The following NCALD variants were observed in gnomAD, a reference collection of about 807,000 sequenced individuals.
The protein encoded by NCALD is neurocalcin-delta.
Under a neutral mutation model 18.6 loss-of-function variants are expected in NCALD, and 10 were observed. The ratio of observed to expected loss-of-function variants is 0.54; its 90% CI spans 0.33 to 0.91. NCALD has a LOEUF of 0.91. NCALD is among the 40% of genes least tolerant of loss of function. The pLI is 0.03. For missense variants in NCALD, 184 were observed against 247.6 expected (o/e 0.74, Z 1.72); for synonymous variants, 88 against 87.4 (o/e 1.01, Z -0.04).
chr8:102,095,918 C>A (rs1825078855), intron 1 of NCALD, among the ~76,000 whole-genome samples: 1 of 152,188 alleles, frequency 6.6e-6, no homozygotes, highest in Non-Finnish European at 1.5e-5. Context: ...GCCAAAGCTT[C>A]TCTCTTATCA....
At chr8:101,993,544 C>A (rs1352646454) in intron 2 of NCALD, among the ~76,000 whole-genome samples, 1 of 152,164 alleles carries the variant, frequency 6.6e-6, no homozygotes, top group Non-Finnish European at 1.5e-5. Flanking sequence ...AACTATTTTA[C>A]ACCAGGAAGT....
chr8:102,120,233 C>T (rs1325086371), intron 1 of NCALD, among the ~76,000 whole-genome samples: 1 of 152,192 alleles, frequency 6.6e-6, no homozygotes, highest in Non-Finnish European at 1.5e-5. Context: ...TCCAGGGGCT[C>T]ATCTCTTGGT....
At chr8:101,956,432 A>C (rs1283391495) in intron 2 of NCALD, among the ~76,000 whole-genome samples, 2 of 152,330 alleles carry the variant, frequency 1.3e-5, no homozygotes, top group East Asian at 3.9e-4. Context: ...AGTCACAGTA[A>C]TCACTAATCC....
In NCALD at chr8:101,719,431, G is replaced by A. The variant is rs1381132614; in HGVS notation, c.199C>T (p.His67Tyr). The change falls in exon 2 of 4, where the codon CAT (histidine) becomes TAT (tyrosine). Residue 67 changes from histidine to tyrosine, a missense_variant. His to Tyr is a moderately conservative substitution (Grantham distance 83). Transcript: ENST00000220931. ...TTTGCATCGAAGGTGCGGAAGACATGCTCTGCAAATTTGGAAGCATCCCCA... is the reference window on the plus strand; with the variant it reads ...TTTGCATCGAAGGTGCGGAAGACATACTCTGCAAATTTGGAAGCATCCCCA... ...PYGDASKFAE[H>Y]VFRTFDANGD... 2.7e-5 allele frequency: 44 copies of A among 1,614,048 alleles called. No homozygotes were observed. The highest frequency in any genetic ancestry group is 3.5e-5 in the Non-Finnish European group (41 of 1,180,024).
At chr8:102,036,279 C>T (rs1822861791) in intron 1 of NCALD, among the ~76,000 whole-genome samples, 1 of 151,702 alleles carries the variant, frequency 6.6e-6, no homozygotes, top group South Asian at 2.1e-4. Flanking sequence ...GATCTAACCA[C>T]TGCACTCCAG....
At chr8:101,940,942 T>C (rs373702024) in intron 2 of NCALD, among the ~76,000 whole-genome samples, 2 of 152,140 alleles carry the variant, frequency 1.3e-5, no homozygotes, top group Admixed American at 6.5e-5. Context: ...AATTTTAAGA[T>C]AAAATTAAGA....
intron 2 of NCALD, among the ~76,000 whole-genome samples, chr8:101,969,808 T>A (rs1027639695): frequency 1.3e-5 from 2 of 152,224 alleles, no homozygotes; most frequent in African/African-American, 4.8e-5. Context: ...ACAAAAACAA[T>A]TTCATATGAT....
chr8:101,914,453 A>G (rs1048577239), intron 3 of NCALD, among the ~76,000 whole-genome samples: 1 of 152,100 alleles, frequency 6.6e-6, no homozygotes, highest in Non-Finnish European at 1.5e-5. Flanking sequence ...TTGTGAAGTT[A>G]CTTTTTCCCC....
At chr8:101,730,656 G>T (rs1013080855) in intron 1 of NCALD, among the ~76,000 whole-genome samples, 1 of 152,110 alleles carries the variant, frequency 6.6e-6, no homozygotes, top group African/African-American at 2.4e-5. Flanking sequence ...AGACACAATG[G>T]TTCATAATGT....
At chr8:102,123,027 C>T (rs977688135) in intron 1 of NCALD, among the ~76,000 whole-genome samples, 13 of 152,274 alleles carry the variant, frequency 8.5e-5, no homozygotes, top group Admixed American at 5.9e-4. Context: ...CACCCCCTCT[C>T]CTTTGTAGTC....
At chr8:102,011,540 G>A (rs1821904451) in intron 2 of NCALD, among the ~76,000 whole-genome samples, 1 of 152,168 alleles carries the variant, frequency 6.6e-6, no homozygotes, top group Non-Finnish European at 1.5e-5. Context: ...TTGATGCAAT[G>A]AATTAATGTC....
At chr8:102,001,390 C>T (rs1236612517) in intron 2 of NCALD, among the ~76,000 whole-genome samples, 4 of 152,228 alleles carry the variant, frequency 2.6e-5, no homozygotes, top group African/African-American at 9.6e-5. Context: ...AAGACCAAAT[C>T]TACGTCTGAT....
At chr8:101,822,673 C>G (rs1054093384) in intron 4 of NCALD, among the ~76,000 whole-genome samples, 3 of 152,174 alleles carry the variant, frequency 2.0e-5, no homozygotes, top group African/African-American at 7.2e-5. Flanking sequence ...GTAGCAGCAG[C>G]CTTGAACAGC....
intron 1 of NCALD, among the ~76,000 whole-genome samples, chr8:102,078,185 TC>T (rs1295101799): frequency 1.3e-5 from 2 of 152,054 alleles, no homozygotes; most frequent in Non-Finnish European, 2.9e-5. Flanking sequence ...TCAATTTATC[TC>T]TTCTTTTTAT....
chr8:101,775,250 G>T (rs1811745126), intron 1 of NCALD, among the ~76,000 whole-genome samples: 1 of 152,154 alleles, frequency 6.6e-6, no homozygotes, highest in South Asian at 2.1e-4. Context: ...CTAACATAGT[G>T]CCTGTATTCC....
chr8:101,897,626 T>A (rs1244823442), intron 3 of NCALD, among the ~76,000 whole-genome samples: 1 of 152,204 alleles, frequency 6.6e-6, no homozygotes, highest in Non-Finnish European at 1.5e-5. Context: ...AACAATTATG[T>A]ACAGGCTTTG....
At chr8:101,716,581 C>T (rs1816097540) in intron 2 of NCALD, among the ~76,000 whole-genome samples, 1 of 152,122 alleles carries the variant, frequency 6.6e-6, no homozygotes, top group Admixed American at 6.5e-5. Flanking sequence ...AGATGTTGAT[C>T]CAGCACAAAA....
intron 4 of NCALD, among the ~76,000 whole-genome samples, chr8:101,867,706 T>G (rs1815830736): frequency 6.6e-6 from 1 of 152,198 alleles, no homozygotes; most frequent in Admixed American, 6.5e-5. Flanking sequence ...TTTATTAATA[T>G]TTATCTTAAA....
intron 2 of NCALD, among the ~76,000 whole-genome samples, chr8:102,009,377 G>T (rs1440699261): frequency 6.6e-6 from 1 of 152,222 alleles, no homozygotes; most frequent in Non-Finnish European, 1.5e-5. Flanking sequence ...GGGAGAGGTT[G>T]CCTGTGCACA....
Sources: gnomAD v4.1 joint callset for allele counts (sites outside exome capture counted in the v4.1 genomes callset) on GRCh38, gnomAD v4.1.1 for gene constraint, MANE v1.5 for transcripts, NCBI Gene and HGNC (gene_info 2026-07-23, HGNC 2026-07-21) for gene names.